Variants in RAB3C observed in about 807,000 individuals in gnomAD.
RAB3C encodes the protein RAB3C, member RAS oncogene family, also known as ras-related protein Rab-3C.
Under a neutral mutation model 26.4 loss-of-function variants are expected in RAB3C, and 17 were observed. The ratio of observed to expected loss-of-function variants is 0.64; its 90% confidence interval spans 0.44 to 0.97. RAB3C has a LOEUF of 0.97. Ranked by LOEUF, RAB3C falls within the 50% of genes least tolerant of loss-of-function variation. The pLI is 0.00. For missense variants in RAB3C, 242 were observed against 281.9 expected, an observed-to-expected ratio of 0.86 and a Z score of 1.01; for synonymous variants, 91 against 95.9, an observed-to-expected ratio of 0.95 and a Z score of 0.30.
chr5:58,591,118 T>G (rs969726335), intron 1 of RAB3C, among the ~76,000 whole-genome samples: 2 of 152,220 alleles, frequency 1.3e-5, no homozygotes, highest in Non-Finnish European at 2.9e-5. Context: ...AAGATATTCT[T>G]TAAGATTTTA....
intron 2 of RAB3C, among the ~76,000 whole-genome samples, chr5:58,685,729 T>TA (rs1250527155): frequency 6.6e-6 from 1 of 152,182 alleles, no homozygotes; most frequent in Non-Finnish European, 1.5e-5. Flanking sequence ...TACTATGAGC[T>TA]AGGCATTCTT....
intron 2 of RAB3C, among the ~76,000 whole-genome samples, chr5:58,695,064 G>T (rs1462148342): frequency 6.6e-6 from 1 of 152,126 alleles, no homozygotes; most frequent in South Asian, 2.1e-4. Context: ...ATGGTTTTAG[G>T]TCTAACATTT....
chr5:58,743,905 A>G (rs1030955277), intron 3 of RAB3C, among the ~76,000 whole-genome samples: 5 of 152,208 alleles, frequency 3.3e-5, no homozygotes, highest in Non-Finnish European at 7.3e-5. Flanking sequence ...TAGATCTTAT[A>G]TAGCTTCCTA....
chr5:58,825,116 G>A lies in RAB3C; in HGVS notation c.450G>A (p.Glu150=). The change falls in exon 4 of 5, where the codon GAG becomes GAA. Residue 150 remains glutamate, a synonymous_variant. Transcript: ENST00000282878. ...GGAACAAGTGTGACATGGAAGACGA[G>A]CGGGTCATCTCAACTGAGCGAGGTC... ...LVGNKCDMED[E]RVISTERGQH... 1 of 1,613,378 alleles carries A rather than the reference G, an allele frequency of 6.2e-7. No individual in the cohort carries two copies. Among genetic ancestry groups the A allele is most frequent in the South Asian group, 1.1e-5 (1 of 91,058 alleles).
chr5:58,709,378 G>A (rs1749012331), intron 2 of RAB3C, among the ~76,000 whole-genome samples: 1 of 152,138 alleles, frequency 6.6e-6, no homozygotes, highest in Non-Finnish European at 1.5e-5. Context: ...TTCCAGAGGG[G>A]TAGCACCTCC....
At chr5:58,598,642 A>G (rs572341191) in intron 1 of RAB3C, among the ~76,000 whole-genome samples, 2 of 152,210 alleles carry the variant, frequency 1.3e-5, no homozygotes, top group South Asian at 2.1e-4. Flanking sequence ...TCCTCCTTGT[A>G]GTGTGTCTGG....
intron 4 of RAB3C, among the ~76,000 whole-genome samples, 171 bp downstream of exon 4, chr5:58,825,333 A>G (rs1300001692): frequency 6.6e-6 from 1 of 152,200 alleles, no homozygotes; most frequent in Non-Finnish European, 1.5e-5. Context: ...CCCACTTACT[A>G]TGGCATCATG....
intron 2 of RAB3C, among the ~76,000 whole-genome samples, chr5:58,648,248 G>C (rs1264997484): frequency 2.0e-5 from 3 of 152,130 alleles, no homozygotes; most frequent in African/African-American, 7.2e-5. Flanking sequence ...CTTTTTCTCA[G>C]CACACTGCTT....
chr5:58,813,592 T>TTATATATATATATATATATATATA (rs869039335), intron 3 of RAB3C, among the ~76,000 whole-genome samples: 2 of 47,824 alleles, frequency 4.2e-5, no homozygotes, highest in Non-Finnish European at 9.4e-5. Context: ...ATATTTATAT[T>TTATATATATATATATATATATATA]TATATATATA....
At chr5:58,676,272 G>A (rs1210752277) in intron 2 of RAB3C, among the ~76,000 whole-genome samples, 1 of 152,112 alleles carries the variant, frequency 6.6e-6, no homozygotes, top group Non-Finnish European at 1.5e-5. Flanking sequence ...GGGAGGCCGA[G>A]GGAGTGGATC....
chr5:58,596,428 T>A (rs1007261117), intron 1 of RAB3C, among the ~76,000 whole-genome samples: 7 of 147,632 alleles, frequency 4.7e-5, no homozygotes, highest in African/African-American at 1.5e-4. Context: ...ACTATTATTG[T>A]AGAGAGGTTT....
At chr5:58,675,061 C>G (rs148835738) in intron 2 of RAB3C, among the ~76,000 whole-genome samples, 23 of 152,162 alleles carry the variant, frequency 1.5e-4, no homozygotes, top group African/African-American at 5.5e-4. Flanking sequence ...CCTAAAAACT[C>G]CATTACTACA....
intron 1 of RAB3C, among the ~76,000 whole-genome samples, chr5:58,604,848 A>G (rs373494939): frequency 6.6e-6 from 1 of 152,154 alleles, no homozygotes; most frequent in Non-Finnish European, 1.5e-5. Context: ...CCCTATTAAA[A>G]TTGTTACAAA....
intron 1 of RAB3C, among the ~76,000 whole-genome samples, chr5:58,614,538 A>C (rs1468520532): frequency 6.6e-6 from 1 of 151,976 alleles, no homozygotes; most frequent in Non-Finnish European, 1.5e-5. Context: ...TTTCCTAATT[A>C]ATTCTTTAGA....
chr5:58,645,343 C>A (rs920887261), intron 2 of RAB3C, among the ~76,000 whole-genome samples: 37 of 152,042 alleles, frequency 2.4e-4, no homozygotes, highest in African/African-American at 8.2e-4. Flanking sequence ...ATTTCCATGA[C>A]CAATCATGTG....
At chr5:58,603,342 G>A (rs1746496687) in intron 1 of RAB3C, among the ~76,000 whole-genome samples, 2 of 152,092 alleles carry the variant, frequency 1.3e-5, no homozygotes, top group Admixed American at 6.6e-5. Context: ...TGCGCTTCTT[G>A]TATTTGAATG....
At chr5:58,851,044 C>G in intron 4 of RAB3C, 120 bp from the exon 5 acceptor site, 1 of 939,808 alleles carries the variant, frequency 1.1e-6, no homozygotes, top group Non-Finnish European at 1.6e-6. Context: ...TTACCTACCC[C>G]AAACCTACCA....
At chr5:58,689,797 C>T (rs894980067) in intron 2 of RAB3C, among the ~76,000 whole-genome samples, 3 of 152,056 alleles carry the variant, frequency 2.0e-5, no homozygotes, top group African/African-American at 7.2e-5. Flanking sequence ...TCCTCAAAGC[C>T]CTGAGAGGAT....
At chr5:58,657,042 T>C (rs1222480077) in intron 2 of RAB3C, among the ~76,000 whole-genome samples, 4 of 152,194 alleles carry the variant, frequency 2.6e-5, no homozygotes, top group Non-Finnish European at 5.9e-5. Context: ...TAAGATGGAA[T>C]ACTGCTCAGC....
Sources: allele counts gnomAD v4.1 joint callset (sites outside exome capture counted in the v4.1 genomes callset), GRCh38; gene constraint gnomAD v4.1.1; transcripts MANE v1.5; gene names NCBI Gene and HGNC (gene_info 2026-07-23, HGNC 2026-07-21).